AP3D1: variants seen among roughly 807,000 people sequenced by gnomAD.
AP3D1 encodes adaptor related protein complex 3 subunit delta 1, also known as AP-3 complex subunit delta-1.
In AP3D1, 51 loss-of-function variants were observed where a neutral mutation model predicts 147.6. That is an observed-to-expected ratio of 0.35 (90% confidence interval 0.28 to 0.44). AP3D1 has a LOEUF of 0.44. AP3D1 is among the 20% of genes least tolerant of loss of function. The pLI, the probability that AP3D1 is intolerant of heterozygous loss-of-function variation, is 1.00. For missense variants in AP3D1, 1,421 were observed against 1,624.2 expected (o/e 0.87, Z 2.15); for synonymous variants, 760 against 663.0 (o/e 1.15, Z -2.25).
intron 24 of AP3D1, chr19:2,112,058 G>C: frequency 1.6e-6 from 1 of 620,166 alleles, no homozygotes; most frequent in Non-Finnish European, 2.8e-6. Context: ...GCAGCCCGGG[G>C]AACAGTCCCC....
rs950628043 is a variant in AP3D1 at position 2,116,217 on chromosome 19, G to A, written c.2063C>T (p.Ser688Leu). The part of the protein sequence containing the change: ...NNPFYIKSSP[S>L]PQKRYQDTPG... ...GGGGACGGGCCTCACCTTCTGTGGCGATGGCGAGCTCTTGATGTAGAAGGG... is the reference window on the plus strand; with the variant it reads ...GGGGACGGGCCTCACCTTCTGTGGCAATGGCGAGCTCTTGATGTAGAAGGG... The change falls in exon 18 of 32, where the codon TCG becomes TTG. Residue 688 changes from serine to leucine, a missense_variant. Transcript: ENST00000643116. 5.0e-6 allele frequency: 8 copies of A among 1,614,170 alleles called. No individual in the cohort carries two copies. The highest frequency in any genetic ancestry group is 2.2e-5 in the East Asian group (1 of 44,882).
chr19:2,160,067 T>C (rs2019683654), intron 1 of AP3D1, among the ~76,000 whole-genome samples: 1 of 147,586 alleles, frequency 6.8e-6, no homozygotes, highest in Non-Finnish European at 1.5e-5. Flanking sequence ...GTCAGGCTGG[T>C]ATTGAACTCC....
chr19:2,161,405 G>GC (rs1271593739), intron 1 of AP3D1, among the ~76,000 whole-genome samples: 6 of 151,674 alleles, frequency 4.0e-5, no homozygotes, highest in East Asian at 1.9e-4. Flanking sequence ...CAGGTGATCC[G>GC]CCCCCCTCAG....
chr19:2,147,169 A>G (rs1236584965), intron 1 of AP3D1, among the ~76,000 whole-genome samples: 1 of 151,968 alleles, frequency 6.6e-6, no homozygotes, highest in Non-Finnish European at 1.5e-5. Flanking sequence ...ACATGGAGAA[A>G]CCCCGTCTCT....
chr19:2,109,170 T>G lies in AP3D1; in HGVS notation c.3388A>C (p.Ser1130Arg). ...FAKLLESGDLSMSSIKVDGIR... is the reference protein window; with the variant it reads ...FAKLLESGDLRMSSIKVDGIR... ...CCATCGACTTTGATTGAGCTCATGC[T>G]CAAGTCCCCAGACTCCAGCAACTTA... is the stretch of plus-strand genomic sequence containing the variant. Residue 1130 changes from serine to arginine, a missense_variant, in exon 30 of 32, where the codon AGC becomes CGC. By Grantham distance (110) the Ser-to-Arg change is moderately radical. Transcript: ENST00000643116. The G allele has an allele frequency of 6.2e-7, 1 of 1,608,850 alleles. No individual in the cohort carries two copies. Among genetic ancestry groups the G allele is most frequent in the Non-Finnish European group, 8.5e-7 (1 of 1,178,230 alleles).
At chr19:2,129,253 C>T (rs2018865045) in intron 7 of AP3D1, 65 bp downstream of exon 7, 2 of 1,596,828 alleles carry the variant, frequency 1.3e-6, no homozygotes, top group South Asian at 1.1e-5. Context: ...GCAGGGAATG[C>T]CCCACACAGG....
At chr19:2,126,221 A>G (rs1173332433) in intron 9 of AP3D1, among the ~76,000 whole-genome samples, 1 of 152,178 alleles carries the variant, frequency 6.6e-6, no homozygotes, top group African/African-American at 2.4e-5. Flanking sequence ...TGCTTTATCA[A>G]CCATAAGGAA....
chr19:2,129,602 CAG>C (rs2018879026), intron 6 of AP3D1, 145 bp from the exon 7 acceptor site: 2 of 1,004,426 alleles, frequency 2.0e-6, no homozygotes, highest in Non-Finnish European at 2.8e-6. Flanking sequence ...CTCCTGGTGA[CAG>C]GGACAGCAGC....
At chr19:2,150,500 C>T (rs1322194641) in intron 1 of AP3D1, among the ~76,000 whole-genome samples, 2 of 152,228 alleles carry the variant, frequency 1.3e-5, no homozygotes, top group Non-Finnish European at 2.9e-5. Context: ...TTTCAGGTTC[C>T]TACTTGAAGT....
chr19:2,111,548 T>G, intron 25 of AP3D1, 131 bp downstream of exon 25: 3 of 1,324,038 alleles, frequency 2.3e-6, no homozygotes, highest in Non-Finnish European at 3.1e-6. Flanking sequence ...GCCAGTCCCC[T>G]GCCCCCGCCA....
intron 14 of AP3D1, among the ~76,000 whole-genome samples, chr19:2,119,153 C>G (rs564404452): frequency 1.3e-5 from 2 of 152,180 alleles, no homozygotes; most frequent in African/African-American, 4.8e-5. Context: ...CAGACGGAAC[C>G]GGGAGACCCT....
chr19:2,154,426 C>T (rs2019629024), upstream of AP3D1, among the ~76,000 whole-genome samples: 1 of 151,884 alleles, frequency 6.6e-6, no homozygotes, highest in Non-Finnish European at 1.5e-5. Flanking sequence ...ACTACAGGCG[C>T]TCGCCACCAC....
intron 8 of AP3D1, 129 bp from the exon 9 acceptor site, chr19:2,127,330 C>T: frequency 2.1e-6 from 2 of 970,520 alleles, no homozygotes; most frequent in Non-Finnish European, 3.1e-6. Context: ...CAGGAGGGAG[C>T]CCGTGCCTTG....
intron 10 of AP3D1, 114 bp downstream of exon 10, chr19:2,123,716 A>G (rs2145079870): frequency 7.6e-7 from 1 of 1,320,276 alleles, no homozygotes; most frequent in East Asian, 2.5e-5. Flanking sequence ...CCAAGCCGCA[A>G]GATGGCGTGG....
At chr19:2,126,025 G>A (rs2018745697) in intron 9 of AP3D1, among the ~76,000 whole-genome samples, 1 of 152,172 alleles carries the variant, frequency 6.6e-6, no homozygotes, top group South Asian at 2.1e-4. Flanking sequence ...GCATGCGCCT[G>A]TAGAAGCAAG....
chr19:2,127,928 G>A (rs2018804301), intron 8 of AP3D1, among the ~76,000 whole-genome samples: 1 of 152,378 alleles, frequency 6.6e-6, no homozygotes, highest in Non-Finnish European at 1.5e-5. Context: ...GCAGCCAGGA[G>A]AATGGCCACG....
chr19:2,143,230 A>ATTTT lies in AP3D1; in HGVS notation c.97-4520_97-4517dup, dbSNP rs776434810. 5.2e-4 allele frequency among the ~76,000 whole-genome samples: 39 copies of ATTTT among 74,342 alleles called. 1 individual carries two copies. Among genetic ancestry groups the ATTTT allele is most frequent in the African/African-American group, 1.3e-3 (23 of 17,332 alleles). 48.8% of individuals were successfully genotyped at this position (74,342 alleles called of 152,430 possible). On this transcript the variant is annotated intron_variant, in intron 1 of 31. Coordinates refer to ENST00000643116, the MANE Select transcript of AP3D1 (RefSeq NM_001261826.3). ...AGGCACGTGCCACCATGCCTGCCTA[A>ATTTT]TTTTTTTTTTTTTTTTTTTTTTTTT...
rs2018285654 is a variant in AP3D1 at position 2,111,746 on chromosome 19, G to A, written c.2870C>T (p.Pro957Leu). 2 of 1,609,954 alleles carry A rather than the reference G, an allele frequency of 1.2e-6. No individual in the cohort carries two copies. The highest frequency in any genetic ancestry group is 4.5e-5 in the East Asian group (2 of 44,712). The change falls in exon 25 of 32, where the codon CCT (proline) becomes CTT (leucine). Residue 957 changes from proline to leucine, a missense_variant. Coordinates refer to ENST00000643116, the MANE Select transcript of AP3D1 (RefSeq NM_001261826.3). Reference protein sequence around the residue: ...TKGKKKSKKQPPGSEEAAGEP... With the variant: ...TKGKKKSKKQLPGSEEAAGEP... ...CCCCGCTGCCTCCTCGCTGCCTGGA[G>A]GCTGCTTCTTGGACTTCTTCTTGCC...
chr19:2,131,924 G>A (rs191825083), intron 5 of AP3D1, among the ~76,000 whole-genome samples: 1 of 152,356 alleles, frequency 6.6e-6, no homozygotes, highest in East Asian at 1.9e-4. Flanking sequence ...AGGGAGGAAA[G>A]CATGCCCGCT....
Sources: allele counts gnomAD v4.1 joint callset (sites outside exome capture counted in the v4.1 genomes callset), GRCh38; gene constraint gnomAD v4.1.1; transcripts MANE v1.5; gene names NCBI Gene and HGNC (gene_info 2026-07-23, HGNC 2026-07-21).